The following BCKDHB variants were observed in gnomAD, a reference collection of about 807,000 sequenced individuals.
BCKDHB encodes the protein branched chain keto acid dehydrogenase E1 subunit beta, also known as 2-oxoisovalerate dehydrogenase subunit beta, mitochondrial.
A neutral mutation model predicts 48.5 loss-of-function variants in BCKDHB; 41 were observed. The ratio of observed to expected loss-of-function variants is 0.85; its 90% confidence interval spans 0.66 to 1.10. BCKDHB has a LOEUF of 1.10. Among genes scored for constraint, BCKDHB ranks in the 50% least tolerant of loss-of-function variants. The pLI is 0.00. For missense variants in BCKDHB, 496 were observed against 494.2 expected, an observed-to-expected ratio of 1.00 and a Z score of -0.03; for synonymous variants, 201 against 174.8, an observed-to-expected ratio of 1.15 and a Z score of -1.18.
chr6:80,441,638 G>A, the BCKDHB span, among the ~76,000 whole-genome samples: 1 of 152,038 alleles, frequency 6.6e-6, no homozygotes. Context: ...TGGTTCCTCA[G>A]TGCTTTTTTG....
intron 8 of BCKDHB, among the ~76,000 whole-genome samples, chr6:80,248,024 A>G (rs1158259132): frequency 6.6e-6 from 1 of 152,242 alleles, no homozygotes; most frequent in Non-Finnish European, 1.5e-5. Flanking sequence ...AAAATAATAC[A>G]TGTGATTGTT....
the BCKDHB span, among the ~76,000 whole-genome samples, chr6:80,396,997 A>T: frequency 6.6e-6 from 1 of 152,260 alleles, no homozygotes; most frequent in East Asian, 1.9e-4. Flanking sequence ...TGTATGTTGT[A>T]TCCTCTAGTT....
At chr6:80,455,482 T>C in the BCKDHB span, among the ~76,000 whole-genome samples, 1 of 151,578 alleles carries the variant, frequency 6.6e-6, no homozygotes, top group Non-Finnish European at 1.5e-5. Context: ...ATATGGCTCA[T>C]GTAAGGCATT....
At chr6:80,122,472 A>C (rs560346760) in intron 1 of BCKDHB, among the ~76,000 whole-genome samples, 1 of 152,198 alleles carries the variant, frequency 6.6e-6, no homozygotes, top group African/African-American at 2.4e-5. Flanking sequence ...TCTGTTTTCC[A>C]TAAGTGTCAT....
At chr6:80,307,077 G>C (rs890877078) in intron 9 of BCKDHB, among the ~76,000 whole-genome samples, 1 of 152,176 alleles carries the variant, frequency 6.6e-6, no homozygotes, top group Non-Finnish European at 1.5e-5. Flanking sequence ...AGCTAAGTCT[G>C]AGACTCGCTC....
At chr6:80,342,737 C>T (rs760967501) in intron 9 of BCKDHB, among the ~76,000 whole-genome samples, 1 of 151,888 alleles carries the variant, frequency 6.6e-6, no homozygotes, top group African/African-American at 2.4e-5. Flanking sequence ...TGCAGTGAGC[C>T]GTGTTTGCAC....
At chr6:80,231,865 T>A (rs996853114) in intron 8 of BCKDHB, among the ~76,000 whole-genome samples, 2 of 152,134 alleles carry the variant, frequency 1.3e-5, no homozygotes, top group African/African-American at 4.8e-5. Context: ...CTTGGGAGGC[T>A]GAGGCAGGAG....
At chr6:80,195,791 C>T (rs528027594) in intron 6 of BCKDHB, among the ~76,000 whole-genome samples, 27 of 152,244 alleles carry the variant, frequency 1.8e-4, no homozygotes, top group Non-Finnish European at 3.2e-4. Context: ...GGTAGATTTA[C>T]GCCCCTCCTA....
At chr6:80,222,037 T>C (rs1209264334) in intron 8 of BCKDHB, among the ~76,000 whole-genome samples, 1 of 152,230 alleles carries the variant, frequency 6.6e-6, no homozygotes, top group Non-Finnish European at 1.5e-5. Context: ...TGTTAGGGAT[T>C]GGGCTTCTAG....
chr6:80,294,334 TTG>T (rs751745979), intron 9 of BCKDHB, among the ~76,000 whole-genome samples: 1 of 152,202 alleles, frequency 6.6e-6, no homozygotes, highest in Non-Finnish European at 1.5e-5. Flanking sequence ...ATGGTGATAA[TTG>T]TGTTAACTGT....
intron 9 of BCKDHB, among the ~76,000 whole-genome samples, chr6:80,330,110 TAA>T (rs59548870): frequency 1.1e-3 from 162 of 148,498 alleles, no homozygotes; most frequent in African/African-American, 1.9e-3. Context: ...GGTGATCTTA[TAA>T]AAAAAAAAAA....
At chr6:80,265,462 A>T (rs146061548) in intron 8 of BCKDHB, among the ~76,000 whole-genome samples, 261 of 152,268 alleles carry the variant, frequency 1.7e-3, no homozygotes, top group African/African-American at 6.0e-3. Context: ...GATGACAAAT[A>T]TTGTATGAAC....
the BCKDHB span, among the ~76,000 whole-genome samples, chr6:80,368,973 A>C: frequency 6.6e-6 from 1 of 151,280 alleles, no homozygotes; most frequent in Non-Finnish European, 1.5e-5. Flanking sequence ...AGATTGTGCC[A>C]CTGCACTCCA....
the BCKDHB span, among the ~76,000 whole-genome samples, chr6:80,451,545 C>T: frequency 6.6e-6 from 1 of 152,040 alleles, no homozygotes; most frequent in Non-Finnish European, 1.5e-5. Flanking sequence ...CGAAACCAGC[C>T]TGGCCAACAT....
intron 1 of BCKDHB, among the ~76,000 whole-genome samples, chr6:80,108,568 A>C (rs1421849340): frequency 6.6e-6 from 1 of 151,654 alleles, no homozygotes; most frequent in Admixed American, 6.6e-5. Context: ...GTAAAAAAAA[A>C]AAAAAAAAAT....
At chr6:80,173,771 CACTATG>C (rs1268440697) in intron 6 of BCKDHB, among the ~76,000 whole-genome samples, 1 of 149,460 alleles carries the variant, frequency 6.7e-6, no homozygotes, top group Non-Finnish European at 1.5e-5. Flanking sequence ...GGTTCAGTAT[CACTATG>C]ACTATATTTT....
chr6:80,381,159 G>A, the BCKDHB span, among the ~76,000 whole-genome samples: 1 of 151,864 alleles, frequency 6.6e-6, no homozygotes, highest in Non-Finnish European at 1.5e-5. Context: ...CCTGTTTAGA[G>A]ATGCCTGCAT....
chr6:80,346,690 G>A (rs1770215681), downstream of BCKDHB, among the ~76,000 whole-genome samples: 1 of 151,996 alleles, frequency 6.6e-6, no homozygotes, highest in Admixed American at 6.6e-5. Context: ...ATTATTACTT[G>A]GATAAAAAGA....
intron 8 of BCKDHB, among the ~76,000 whole-genome samples, chr6:80,260,288 T>G (rs1268500797): frequency 1.3e-5 from 2 of 152,164 alleles, no homozygotes; most frequent in Non-Finnish European, 2.9e-5. Flanking sequence ...GAAAACTGTA[T>G]TTTGGGTAAC....
Sources: gnomAD v4.1 joint callset for allele counts (sites outside exome capture counted in the v4.1 genomes callset) on GRCh38, gnomAD v4.1.1 for gene constraint, MANE v1.5 for transcripts, NCBI Gene and HGNC (gene_info 2026-07-23, HGNC 2026-07-21) for gene names.